The following PDE4D variants were observed in gnomAD, a reference collection of about 807,000 sequenced individuals.
The protein encoded by PDE4D is 3',5'-cyclic-AMP phosphodiesterase 4D.
Under a neutral mutation model 87.4 loss-of-function variants are expected in PDE4D, and 24 were observed. The ratio of observed to expected loss-of-function variants is 0.27; its 90% confidence interval spans 0.20 to 0.39. The LOEUF is 0.39. Among genes scored for constraint, PDE4D ranks in the 10% least tolerant of loss-of-function variants. The pLI is 1.00. For synonymous variants in PDE4D, 384 were observed against 383.2 expected, an observed-to-expected ratio of 1.00 and a Z score of -0.02; for missense variants, 714 against 1,041.0, an observed-to-expected ratio of 0.69 and a Z score of 4.32.
At chr5:60,291,740 C>A (rs892824835) in intron 1 of PDE4D, among the ~76,000 whole-genome samples, 1 of 151,896 alleles carries the variant, frequency 6.6e-6, no homozygotes, top group African/African-American at 2.4e-5. Flanking sequence ...GACAAGCATA[C>A]TTGTATAGAA....
intron 2 of PDE4D, among the ~76,000 whole-genome samples, chr5:59,208,411 A>C (rs1470030702): frequency 6.6e-6 from 1 of 152,226 alleles, no homozygotes; most frequent in Non-Finnish European, 1.5e-5. Context: ...ACTTCAGTAT[A>C]TATCTATTAC....
rs1753662842 is a variant in PDE4D at position 59,913,427 on chromosome 5, C to G, written c.272+75061G>C. Among the ~76,000 whole-genome samples the G allele has an allele frequency of 2.6e-5, 4 of 152,050 alleles. No homozygotes were observed. In the South Asian group the frequency reaches 8.3e-4, roughly 32 times the overall value. ...ACCTTTCATATATGTGAGAGCTAGA[C>G]AAACATGTCTAAATTACACATTCAT... On this transcript the variant is annotated intron_variant, in intron 3 of 16. Coordinates refer to the PDE4D transcript ENST00000502484.
At chr5:59,373,065 C>A (rs1784183213) in intron 1 of PDE4D, among the ~76,000 whole-genome samples, 1 of 151,714 alleles carries the variant, frequency 6.6e-6, no homozygotes, top group Admixed American at 6.6e-5. Flanking sequence ...GTAGAAAAGT[C>A]CACAAAGATG....
chr5:60,314,746 T>C (rs1183358403), intron 1 of PDE4D, among the ~76,000 whole-genome samples: 5 of 152,126 alleles, frequency 3.3e-5, no homozygotes. Flanking sequence ...GTTTGGGTTT[T>C]TGTCTTTGTG....
chr5:60,233,416 G>T (rs887410966), intron 1 of PDE4D, among the ~76,000 whole-genome samples: 1 of 151,672 alleles, frequency 6.6e-6, no homozygotes, highest in African/African-American at 2.4e-5. Context: ...TAGAACTGTG[G>T]TTCTCTAATT....
intron 1 of PDE4D, among the ~76,000 whole-genome samples, chr5:60,438,543 T>C (rs1744939840): frequency 6.6e-6 from 1 of 152,094 alleles, no homozygotes. Flanking sequence ...GGCATATACA[T>C]GCTTCAATAC....
At position 59,884,370 on chromosome 5, in the gene PDE4D, T is replaced by C. The variant is rs369084522; in HGVS notation, c.455+8798A>G. On this transcript the variant is annotated intron_variant, in intron 1 of 14. Coordinates refer to ENST00000340635, the MANE Select transcript of PDE4D (RefSeq NM_001104631.2). ...ACACATGTACATAGACATAATCTCA[T>C]ATATGTAAATATAAGCATGCATGAA... 8.5e-5 allele frequency among the ~76,000 whole-genome samples: 13 copies of C among 152,072 alleles called. No individual in the cohort carries two copies. The South Asian group carries it at 2.3e-3, about 27-fold the overall frequency.
At chr5:59,961,421 A>G (rs1478560226) in intron 3 of PDE4D, among the ~76,000 whole-genome samples, 1 of 151,992 alleles carries the variant, frequency 6.6e-6, no homozygotes. Context: ...CATGCAAGCA[A>G]TCATCCCCCA....
chr5:59,792,438 G>GTGTGTGTGTT (rs1491110404), intron 1 of PDE4D, among the ~76,000 whole-genome samples: 3 of 148,866 alleles, frequency 2.0e-5, no homozygotes, highest in Non-Finnish European at 3.0e-5. Context: ...GTGTGTGTGT[G>GTGTGTGTGTT]TTTTGAGGAA....
At chr5:59,041,558 A>C (rs1475408052) in intron 5 of PDE4D, among the ~76,000 whole-genome samples, 1 of 152,194 alleles carries the variant, frequency 6.6e-6, no homozygotes, top group Non-Finnish European at 1.5e-5. Flanking sequence ...TATCCAGTGG[A>C]TTAAAGATGC....
chr5:59,431,163 G>T (rs1364685437), intron 1 of PDE4D, among the ~76,000 whole-genome samples: 1 of 152,126 alleles, frequency 6.6e-6, no homozygotes, highest in Non-Finnish European at 1.5e-5. Context: ...TTTGAACGAA[G>T]ATCTATGGAA....
At chr5:60,459,397 T>G (rs918961869) in intron 1 of PDE4D, among the ~76,000 whole-genome samples, 1 of 152,170 alleles carries the variant, frequency 6.6e-6, no homozygotes, top group African/African-American at 2.4e-5. Flanking sequence ...AGTTTTTTTC[T>G]TTTTTTAAAC....
intron 6 of PDE4D, among the ~76,000 whole-genome samples, chr5:59,017,679 A>C (rs1358132497): frequency 2.0e-5 from 3 of 152,206 alleles, no homozygotes; most frequent in African/African-American, 4.8e-5. Flanking sequence ...ATGTTTTTAG[A>C]ATAGTCCAAT....
intron 1 of PDE4D, among the ~76,000 whole-genome samples, chr5:59,885,891 A>G (rs1229878953): frequency 6.6e-6 from 1 of 152,212 alleles, no homozygotes; most frequent in African/African-American, 2.4e-5. Context: ...AAAGATCACT[A>G]GACCTTTTTG....
At chr5:59,327,132 T>TACAC (rs3061651) in intron 1 of PDE4D, among the ~76,000 whole-genome samples, 1,469 of 141,804 alleles carry the variant, frequency 0.01, 13 homozygotes, top group African/African-American at 0.015. Flanking sequence ...GAAACAGAAA[T>TACAC]ACACACACAC....
At chr5:59,864,108 A>T (rs1746671479) in intron 1 of PDE4D, among the ~76,000 whole-genome samples, 1 of 152,054 alleles carries the variant, frequency 6.6e-6, no homozygotes, top group African/African-American at 2.4e-5. Flanking sequence ...CTGTTCAATA[A>T]CCTCATGGTT....
intron 1 of PDE4D, among the ~76,000 whole-genome samples, chr5:59,306,641 C>A (rs1271068191): frequency 6.6e-6 from 1 of 151,812 alleles, no homozygotes; most frequent in Non-Finnish European, 1.5e-5. Context: ...ACCTATGAAT[C>A]CAACTTACAA....
intron 1 of PDE4D, among the ~76,000 whole-genome samples, chr5:59,336,181 A>G (rs1180567886): frequency 6.6e-6 from 1 of 152,220 alleles, no homozygotes; most frequent in Non-Finnish European, 1.5e-5. Flanking sequence ...CACAAGCTTC[A>G]AATAAACTAT....
chr5:59,786,730 C>T lies in PDE4D; in HGVS notation c.455+106438G>A, dbSNP rs1416447666. Among the ~76,000 whole-genome samples, 4 of 152,148 alleles carry T rather than the reference C, an allele frequency of 2.6e-5. No homozygotes were observed. The East Asian group carries it at 5.8e-4, about 22-fold the overall frequency. Reference sequence around the variant, plus strand: ...GTTAACGGACAGAGGAAGCCTCAGGCGTTCTCTTGACACATCGTCCAACCA... The same window carrying T: ...GTTAACGGACAGAGGAAGCCTCAGGTGTTCTCTTGACACATCGTCCAACCA... On this transcript the variant is annotated intron_variant, in intron 1 of 14. Coordinates refer to ENST00000340635, the MANE Select transcript of PDE4D (RefSeq NM_001104631.2).
Sources: allele counts gnomAD v4.1 joint callset (sites outside exome capture counted in the v4.1 genomes callset), GRCh38; gene constraint gnomAD v4.1.1; transcripts MANE v1.5; gene names NCBI Gene and HGNC (gene_info 2026-07-23, HGNC 2026-07-21).